SLC35D4: variants seen among roughly 807,000 people sequenced by gnomAD.
The protein encoded by SLC35D4 is solute carrier family 35 member D4, also known as UDP-N-acetylglucosamine transporter SLC35D4.
chr18:23,364,324 A>G, the SLC35D4 span, among the ~76,000 whole-genome samples: 3 of 152,168 alleles, frequency 2.0e-5, no homozygotes, highest in Non-Finnish European at 4.4e-5. Context: ...GTTTTTAAAA[A>G]AAAACAAAAA....
chr18:23,246,882 G>A, the SLC35D4 span, among the ~76,000 whole-genome samples: 13 of 152,164 alleles, frequency 8.5e-5, no homozygotes, highest in East Asian at 1.9e-4. Flanking sequence ...TAGTAGAGAC[G>A]GGGTTTTACC....
the SLC35D4 span, among the ~76,000 whole-genome samples, chr18:23,312,890 G>A: frequency 2.0e-5 from 3 of 152,036 alleles, no homozygotes; most frequent in Non-Finnish European, 4.4e-5. Flanking sequence ...CACTTTGGGA[G>A]GCCAAGACGG....
chr18:23,384,486 C>T, the SLC35D4 span, among the ~76,000 whole-genome samples: 1 of 152,186 alleles, frequency 6.6e-6, no homozygotes, highest in Non-Finnish European at 1.5e-5. Flanking sequence ...GTGATAGTTG[C>T]TGTGTTCTTC....
the SLC35D4 span, among the ~76,000 whole-genome samples, chr18:23,351,437 A>C: frequency 6.8e-3 from 880 of 130,060 alleles, 12 homozygotes; most frequent in African/African-American, 0.024. Flanking sequence ...CAAAAACAAA[A>C]ACAAAAAAAT....
At chr18:23,309,796 C>A in the SLC35D4 span, 1 of 1,546,470 alleles carries the variant, frequency 6.5e-7, no homozygotes, top group Non-Finnish European at 8.9e-7. Flanking sequence ...GCTCTGGAAA[C>A]CTCCAATGTC....
At chr18:23,328,806 T>C in the SLC35D4 span, among the ~76,000 whole-genome samples, 1 of 152,138 alleles carries the variant, frequency 6.6e-6, no homozygotes, top group South Asian at 2.1e-4. Flanking sequence ...CTTCAAACTA[T>C]ACTACAAGGC....
At chr18:23,418,407 T>C in the SLC35D4 span, among the ~76,000 whole-genome samples, 1,303 of 150,330 alleles carry the variant, frequency 8.7e-3, 16 homozygotes, top group African/African-American at 0.03. Flanking sequence ...GGTCTCACTC[T>C]GTCACCCAGG....
the SLC35D4 span, among the ~76,000 whole-genome samples, chr18:23,261,727 T>C: frequency 6.6e-6 from 1 of 152,240 alleles, no homozygotes; most frequent in Admixed American, 6.5e-5. Flanking sequence ...TTACATGAGA[T>C]AGTCAACACC....
chr18:23,421,775 C>CA, the SLC35D4 span, among the ~76,000 whole-genome samples: 1 of 150,568 alleles, frequency 6.6e-6, no homozygotes, highest in Admixed American at 6.7e-5. Flanking sequence ...ATCCCAGGTT[C>CA]AAGCGATTCT....
At chr18:23,271,507 T>C in the SLC35D4 span, among the ~76,000 whole-genome samples, 1 of 152,180 alleles carries the variant, frequency 6.6e-6, no homozygotes, top group Non-Finnish European at 1.5e-5. Context: ...ATAAGAATTA[T>C]AGCTTTGGTC....
At chr18:23,367,331 G>C in the SLC35D4 span, among the ~76,000 whole-genome samples, 4 of 152,104 alleles carry the variant, frequency 2.6e-5, no homozygotes, top group African/African-American at 9.7e-5. Context: ...CCGATACTTA[G>C]ATAGCAAGTT....
chr18:23,258,290 A>G, the SLC35D4 span: 4 of 152,682 alleles, frequency 2.6e-5, no homozygotes, highest in African/African-American at 4.8e-5. Flanking sequence ...GTTAGAGTGC[A>G]TCAGAAGCAC....
chr18:23,425,455 C>T, the SLC35D4 span, among the ~76,000 whole-genome samples: 27 of 152,298 alleles, frequency 1.8e-4, no homozygotes, highest in South Asian at 4.8e-3. Context: ...TATATCCCAA[C>T]AAATTGATCA....
chr18:23,437,709 G>T, the SLC35D4 span: 2 of 1,506,948 alleles, frequency 1.3e-6, no homozygotes, highest in South Asian at 1.2e-5. Context: ...AGGAGGCTCC[G>T]TTTGTCACGG....
chr18:23,359,495 T>C, the SLC35D4 span, among the ~76,000 whole-genome samples: 1 of 152,182 alleles, frequency 6.6e-6, no homozygotes, highest in Admixed American at 6.6e-5. Flanking sequence ...ACAATTCTGC[T>C]GACTCTGAGT....
the SLC35D4 span, among the ~76,000 whole-genome samples, chr18:23,308,560 C>T: frequency 6.6e-6 from 1 of 152,114 alleles, no homozygotes; most frequent in Admixed American, 6.5e-5. Flanking sequence ...ACCATGTCTC[C>T]CCACCTCCAC....
At chr18:23,425,431 A>C in the SLC35D4 span, among the ~76,000 whole-genome samples, 2 of 152,218 alleles carry the variant, frequency 1.3e-5, no homozygotes, top group African/African-American at 4.8e-5. Flanking sequence ...ATGCTCTTCA[A>C]CTTAGAATGG....
chr18:23,309,797 C>T, the SLC35D4 span: 1 of 1,546,568 alleles, frequency 6.5e-7, no homozygotes, highest in Non-Finnish European at 8.9e-7. Context: ...CTCTGGAAAC[C>T]TCCAATGTCA....
chr18:23,395,047 G>A, the SLC35D4 span, among the ~76,000 whole-genome samples: 1 of 148,808 alleles, frequency 6.7e-6, no homozygotes. Context: ...GAGGGAGCAA[G>A]ATGATAAGAA....
Sources: gnomAD v4.1 joint callset for allele counts (sites outside exome capture counted in the v4.1 genomes callset) on GRCh38, gnomAD v4.1.1 for gene constraint, MANE v1.5 for transcripts, NCBI Gene and HGNC (gene_info 2026-07-23, HGNC 2026-07-21) for gene names.